Variants in ZSWIM3 observed in about 807,000 individuals in gnomAD.
The protein encoded by ZSWIM3 is zinc finger SWIM-type containing 3.
Under a neutral mutation model 47.5 loss-of-function variants are expected in ZSWIM3, and 27 were observed. That is an observed-to-expected ratio of 0.57 (90% confidence interval 0.42 to 0.78). The LOEUF is 0.78. Ranked by LOEUF, ZSWIM3 falls within the 30% of genes least tolerant of loss-of-function variation. The pLI is 0.00. For missense variants in ZSWIM3, 689 were observed against 861.3 expected (o/e 0.80, Z 2.50); for synonymous variants, 333 against 333.9 (o/e 1.00, Z 0.03).
At chr20:45,871,224 T>C (rs1985967933) in intron 1 of ZSWIM3, among the ~76,000 whole-genome samples, 1 of 152,216 alleles carries the variant, frequency 6.6e-6, no homozygotes, top group Non-Finnish European at 1.5e-5. Context: ...GACATGGTTT[T>C]ATACTTTCCT....
Position 45,878,087 on chromosome 20 carries a change from G to A in ZSWIM3, c.1529G>A (p.Cys510Tyr), listed in dbSNP as rs1986149885. 6.2e-7 allele frequency: 1 copy of A among 1,614,082 alleles called. No homozygotes were observed. The highest frequency in any genetic ancestry group is 8.5e-7 in the Non-Finnish European group (1 of 1,180,060). ...GGCTCTGAACTAGCCTACAAGCTGT[G>A]CCACAATGAGTGGGAGGTGGTACAG... ...QSGSELAYKL[C>Y]HNEWEVVQNS... The change falls in exon 2 of 2, where the codon TGC becomes TAC. Residue 510 changes from cysteine (C) to tyrosine (Y), a missense_variant. Physicochemically the swap from Cys to Tyr is radical, Grantham distance 194. Transcript: ENST00000255152.
At chr20:45,858,124 T>TG in intron 1 of ZSWIM3, 144 bp downstream of exon 1, 1 of 890,062 alleles carries the variant, frequency 1.1e-6, no homozygotes, top group East Asian at 2.7e-5. Context: ...GCACCTGCTG[T>TG]GTGCCTTGTG....
At chr20:45,871,790 G>A (rs2145790835) in intron 1 of ZSWIM3, among the ~76,000 whole-genome samples, 1 of 151,586 alleles carries the variant, frequency 6.6e-6, no homozygotes, top group Middle Eastern at 3.4e-3. Context: ...GAACCCAGGA[G>A]GCAGAGGTTG....
chr20:45,865,319 CAAA>C (rs201175786), intron 1 of ZSWIM3, among the ~76,000 whole-genome samples: 4 of 100,830 alleles, frequency 4.0e-5, no homozygotes, highest in Non-Finnish European at 6.3e-5. Context: ...AACTCTGTCT[CAAA>C]AAAAAAAAAA....
intron 1 of ZSWIM3, among the ~76,000 whole-genome samples, 174 bp from the exon 2 acceptor site, chr20:45,876,540 T>A (rs2145793299): frequency 6.6e-6 from 1 of 151,982 alleles, no homozygotes; most frequent in South Asian, 2.1e-4. Context: ...GGTCTCTCCA[T>A]GTTGCCCAGG....
At chr20:45,871,691 A>G (rs1308706279) in intron 1 of ZSWIM3, among the ~76,000 whole-genome samples, 1 of 151,438 alleles carries the variant, frequency 6.6e-6, no homozygotes, top group Non-Finnish European at 1.5e-5. Flanking sequence ...CTCTACTAAA[A>G]AAAAAAAAAA....
Position 45,876,981 on chromosome 20 carries a change from C to A in ZSWIM3, c.423C>A (p.Ala141=). 6.2e-7 allele frequency: 1 copy of A among 1,614,078 alleles called. No homozygotes were observed. The highest frequency in any genetic ancestry group is 2.2e-5 in the East Asian group (1 of 44,884). The change falls in exon 2 of 2, where the codon GCC becomes GCA. Residue 141 remains alanine, a synonymous_variant. Coordinates refer to ENST00000255152, the MANE Select transcript of ZSWIM3 (RefSeq NM_080752.4). ...QPTTKKDLDT[A]EKSLVEPSFC... Reference sequence around the variant, plus strand: ...CAACCAAAAAAGACCTTGACACTGCCGAGAAGTCCCTGGTTGAGCCATCGT... The same window carrying A: ...CAACCAAAAAAGACCTTGACACTGCAGAGAAGTCCCTGGTTGAGCCATCGT...
Position 45,878,336 on chromosome 20 carries a change from G to A in ZSWIM3, c.1778G>A (p.Gly593Glu), listed in dbSNP as rs200818698. Residue 593 changes from glycine (G) to glutamate (E), a missense_variant, in exon 2 of 2, where the codon GGG (glycine) becomes GAG (glutamate). Gly to Glu is a moderately conservative substitution (Grantham distance 98). Transcript: ENST00000255152. The part of the protein sequence containing the change: ...RWQKKYQYLL[G>E]PNGELQDRGM... ...CAGAAGAAGTACCAGTACCTCCTTG[G>A]GCCCAATGGGGAGCTCCAGGATCGT... The A allele has an allele frequency of 8.1e-6, 13 of 1,614,104 alleles. No homozygotes were observed. Among genetic ancestry groups the A allele is most frequent in the Non-Finnish European group, 9.3e-6 (11 of 1,180,050 alleles).
intron 1 of ZSWIM3, among the ~76,000 whole-genome samples, chr20:45,876,031 GTTTT>G (rs869220653): frequency 3.9e-5 from 1 of 25,324 alleles, no homozygotes; most frequent in African/African-American, 1.1e-4. Flanking sequence ...TTTGTTTTTT[GTTTT>G]TTTGTTTTTT....
chr20:45,876,879 G>C lies in ZSWIM3; in HGVS notation c.321G>C (p.Val107=). 1 of 1,614,122 alleles carries C rather than the reference G, an allele frequency of 6.2e-7. No individual in the cohort carries two copies. The highest frequency in any genetic ancestry group is 8.5e-7 in the Non-Finnish European group (1 of 1,180,022). ...AGCACATACATGGTGACTCTAAAGT[G>C]GCTAGTCCTGGAGGAGACACCACTG... ...NTQHIHGDSK[V]ASPGGDTTGK... is the part of the protein sequence containing the mutation. Residue 107 remains valine (V), a synonymous_variant, in exon 2 of 2, where the codon GTG becomes GTC. Transcript: ENST00000255152.
chr20:45,866,317 A>G (rs1016015163), intron 1 of ZSWIM3, among the ~76,000 whole-genome samples: 1 of 152,142 alleles, frequency 6.6e-6, no homozygotes, highest in African/African-American at 2.4e-5. Context: ...AATTGAAAAT[A>G]ATAGTGCAAA....
chr20:45,868,176 A>G (rs1055768236), intron 1 of ZSWIM3, among the ~76,000 whole-genome samples: 1 of 152,216 alleles, frequency 6.6e-6, no homozygotes, highest in African/African-American at 2.4e-5. Context: ...CACATCTCCC[A>G]AAACTTGTAG....
In ZSWIM3 at chr20:45,857,646, A is replaced by C; in HGVS notation, c.-180A>C. ...AGCAAATACACCCCCTTCCTCTTGTAACCCGGTCAGGCCTAGGGTTCCTCC... is the reference window on the plus strand; with the variant it reads ...AGCAAATACACCCCCTTCCTCTTGTCACCCGGTCAGGCCTAGGGTTCCTCC... On this transcript the variant is annotated 5_prime_UTR_variant, in exon 1 of 2. Transcript: ENST00000255152. The C allele has an allele frequency of 1.3e-6, 1 of 751,956 alleles. No homozygotes were observed. The highest frequency in any genetic ancestry group is 2.2e-6 in the Non-Finnish European group (1 of 452,098). 46.6% of individuals were successfully genotyped at this position (751,956 alleles called of 1,614,324 possible).
In ZSWIM3 at chr20:45,877,811, G is replaced by A; in HGVS notation, c.1253G>A (p.Cys418Tyr). 1 of 1,614,196 alleles carries A rather than the reference G, an allele frequency of 6.2e-7. No homozygotes were observed. Among genetic ancestry groups the A allele is most frequent in the Non-Finnish European group, 8.5e-7 (1 of 1,180,032 alleles). ...EQQSLLDCILCFVDYIDFFNT... is the reference protein window; with the variant it reads ...EQQSLLDCILYFVDYIDFFNT... The stretch of plus-strand genomic sequence containing the variant: ...CAGTCGCTGCTGGACTGCATCCTCT[G>A]CTTTGTGGATTACATAGACTTCTTT... The change falls in exon 2 of 2, where the codon TGC becomes TAC. Residue 418 changes from cysteine to tyrosine, a missense_variant. Coordinates refer to ENST00000255152, the MANE Select transcript of ZSWIM3 (RefSeq NM_080752.4).
chr20:45,857,966 C>T lies in ZSWIM3; in HGVS notation c.141C>T (p.Ile47=). The change falls in exon 1 of 2, where the codon ATC becomes ATT. Residue 47 remains isoleucine, a synonymous_variant. Transcript: ENST00000255152. ...ACAACCTCAACCATGGCACCTCCAT[C>T]CGCGAAGACATCCTGTAAGGGCGGG... The part of the protein sequence containing the change: ...RFHNLNHGTS[I]REDILYVQVK... The T allele has an allele frequency of 1.2e-6, 2 of 1,607,520 alleles. No individual in the cohort carries two copies. The highest frequency in any genetic ancestry group is 2.2e-5 in the South Asian group (2 of 90,860).
Position 45,878,301 on chromosome 20 carries a change from C to T in ZSWIM3, c.1743C>T (p.Cys581=), listed in dbSNP as rs766563720. The T allele has an allele frequency of 1.9e-6, 3 of 1,614,216 alleles. No homozygotes were observed. Among genetic ancestry groups the T allele is most frequent in the Admixed American group, 3.3e-5 (2 of 60,022 alleles). The change falls in exon 2 of 2, where the codon TGC becomes TGT. Residue 581 remains cysteine, a synonymous_variant. Coordinates refer to ENST00000255152, the MANE Select transcript of ZSWIM3 (RefSeq NM_080752.4). The part of the protein sequence containing the change: ...SQQPVGEAMV[C]RRWQKKYQYL... ...AGCCGGTTGGTGAAGCCATGGTGTG[C>T]CGCCGGTGGCAGAAGAAGTACCAGT...
intron 1 of ZSWIM3, among the ~76,000 whole-genome samples, chr20:45,864,324 T>C (rs1174944863): frequency 2.0e-5 from 3 of 152,180 alleles, no homozygotes; most frequent in Non-Finnish European, 4.4e-5. Context: ...AGGACATTCT[T>C]GGATCATTTA....
chr20:45,877,660 G>A lies in ZSWIM3; in HGVS notation c.1102G>A (p.Ala368Thr). 1 of 1,614,106 alleles carries A rather than the reference G, an allele frequency of 6.2e-7. No homozygotes were observed. The highest frequency in any genetic ancestry group is 8.5e-7 in the Non-Finnish European group (1 of 1,180,008). The stretch of plus-strand genomic sequence containing the variant: ...TGAGGATCTCTTCAACTTCCTGCAG[G>A]CCCACTGGTTCACCTGTGAACTGCT... ...LDEDLFNFLQ[A>T]HWFTCELLWY... The change falls in exon 2 of 2, where the codon GCC becomes ACC. Residue 368 changes from alanine to threonine, a missense_variant. Transcript: ENST00000255152.
chr20:45,865,319 CAAAAAAAA>C (rs201175786), intron 1 of ZSWIM3, among the ~76,000 whole-genome samples: 285 of 100,864 alleles, frequency 2.8e-3, no homozygotes, highest in African/African-American at 0.01. Flanking sequence ...AACTCTGTCT[CAAAAAAAA>C]AAAAAAAAAA....
Sources: gnomAD v4.1 joint callset for allele counts (sites outside exome capture counted in the v4.1 genomes callset) on GRCh38, gnomAD v4.1.1 for gene constraint, MANE v1.5 for transcripts, NCBI Gene and HGNC (gene_info 2026-07-23, HGNC 2026-07-21) for gene names.